ITIH6: variants seen among roughly 807,000 people sequenced by gnomAD.
ITIH6 encodes the protein inter-alpha-trypsin inhibitor heavy chain H6.
In ITIH6, 60 loss-of-function variants were observed where a neutral mutation model predicts 58.2. The ratio of observed to expected loss-of-function variants is 1.03; its 90% confidence interval spans 0.84 to 1.28. ITIH6 has a LOEUF of 1.28. Ranked by LOEUF, ITIH6 falls within the 50% of genes most tolerant of loss-of-function variation. ITIH6 has a pLI of 0.00. For missense variants in ITIH6, 1,290 were observed against 1,021.1 expected, an observed-to-expected ratio of 1.26 and a Z score of -3.59; for synonymous variants, 493 against 417.4, an observed-to-expected ratio of 1.18 and a Z score of -2.21.
chrX:54,787,890 G>C (rs1471724524), intron 5 of ITIH6, among the ~76,000 whole-genome samples: 1 of 111,040 alleles, frequency 9.0e-6, no homozygotes, highest in Non-Finnish European at 1.9e-5. Context: ...GTCCTGTGGT[G>C]GGAGAGGCAG....
intron 6 of ITIH6, among the ~76,000 whole-genome samples, chrX:54,767,542 C>A (rs1239093411): frequency 1.0e-5 from 1 of 98,647 alleles, no homozygotes; most frequent in African/African-American, 4.3e-5. Context: ...CTATAAATTT[C>A]CCTCTACACA....
Position 54,791,024 on chromosome X carries a change from A to T in ITIH6, c.429T>A (p.Thr143=). 8.3e-7 allele frequency: 1 copy of T among 1,211,673 alleles called. No homozygotes were observed. The highest frequency in any genetic ancestry group is 1.1e-6 in the Non-Finnish European group (1 of 895,266). The change falls in exon 4 of 13, where the codon ACT becomes ACA. Residue 143 remains threonine, a synonymous_variant. Transcript: ENST00000218436. ...GCAGTTCCTCATAGGCCAGGGAAAAAGTCACCTCTGTGCCTGCTGCCAGGC... is the reference window on the plus strand; with the variant it reads ...GCAGTTCCTCATAGGCCAGGGAAAATGTCACCTCTGTGCCTGCTGCCAGGC... ...STSLAAGTEV[T]FSLAYEELLQ...
intron 6 of ITIH6, among the ~76,000 whole-genome samples, chrX:54,767,752 T>G (rs368599396): frequency 1.9e-5 from 2 of 102,973 alleles, no homozygotes; most frequent in Admixed American, 1.0e-4. Context: ...TGTGGTCTGA[T>G]AGATAGTTTG....
intron 6 of ITIH6, among the ~76,000 whole-genome samples, chrX:54,763,624 T>A (rs1001167024): frequency 4.4e-5 from 5 of 112,395 alleles, no homozygotes; most frequent in Non-Finnish European, 7.5e-5. Flanking sequence ...ATGTGTAATC[T>A]GCTTGAGCAG....
chrX:54,768,602 G>C lies in ITIH6; in HGVS notation c.903+5479C>G, dbSNP rs777328435. ...GGCAGGCCTGGTGGTGACAAAATCG[G>C]TCAGCATTTGCTTGTCTGTAAAGTA... is the stretch of plus-strand genomic sequence containing the variant. On this transcript the variant is annotated intron_variant, in intron 6 of 12. Coordinates refer to ENST00000218436, the MANE Select transcript of ITIH6 (RefSeq NM_198510.3). Among the ~76,000 whole-genome samples, 18 of 108,767 alleles carry C rather than the reference G, an allele frequency of 1.7e-4. No individual in the cohort carries two copies. The South Asian group carries it at 3.2e-3, about 20-fold the overall frequency. 94.5% of individuals were successfully genotyped at this position (108,767 alleles called of 115,157 possible).
intron 2 of ITIH6, 120 bp from the exon 3 acceptor site, chrX:54,792,156 C>T (rs1214433817): frequency 5.3e-5 from 25 of 468,486 alleles, no homozygotes; most frequent in Non-Finnish European, 7.4e-6. Context: ...AGAGAAAGAA[C>T]AACACAGTGC....
chrX:54,790,782 G>A, intron 4 of ITIH6, 55 bp downstream of exon 4: 1 of 1,195,340 alleles, frequency 8.4e-7, no homozygotes, highest in Non-Finnish European at 1.1e-6. Context: ...AATCGATAAG[G>A]TTTTCATTCA....
chrX:54,759,709 C>T, intron 7 of ITIH6, 47 bp downstream of exon 7: 1 of 1,082,144 alleles, frequency 9.2e-7, no homozygotes, highest in Non-Finnish European at 1.2e-6. Flanking sequence ...AGGAATTTCC[C>T]ATATCACCAC....
At chrX:54,788,013 T>C (rs1032699901) in intron 5 of ITIH6, among the ~76,000 whole-genome samples, 4 of 110,904 alleles carry the variant, frequency 3.6e-5, no homozygotes, top group African/African-American at 1.3e-4. Flanking sequence ...TGCTCTTTCT[T>C]CATGAATGTG....
intron 5 of ITIH6, among the ~76,000 whole-genome samples, chrX:54,780,289 A>G (rs1404695530): frequency 1.8e-5 from 2 of 112,230 alleles, no homozygotes; most frequent in Non-Finnish European, 3.8e-5. Context: ...CAAGACTCAA[A>G]ATTCAAAACA....
At chrX:54,761,182 T>C (rs940902158) in intron 6 of ITIH6, among the ~76,000 whole-genome samples, 1 of 112,447 alleles carries the variant, frequency 8.9e-6, no homozygotes, top group African/African-American at 3.2e-5. Flanking sequence ...ATTTCTCTGA[T>C]GGCCAGTGAT....
intron 2 of ITIH6, among the ~76,000 whole-genome samples, chrX:54,795,202 C>G (rs1929419029): frequency 9.0e-6 from 1 of 111,503 alleles, no homozygotes; most frequent in Non-Finnish European, 1.9e-5. Flanking sequence ...TATTATGGCC[C>G]ACACTTATTT....
At chrX:54,760,023 T>C (rs1161181206) in intron 6 of ITIH6, 96 bp from the exon 7 acceptor site, 7 of 692,306 alleles carry the variant, frequency 1.0e-5, no homozygotes, top group Non-Finnish European at 1.5e-5. Flanking sequence ...ATCTAAGTGT[T>C]ATATGGTTTT....
At chrX:54,782,810 G>T (rs2147617196) in intron 5 of ITIH6, among the ~76,000 whole-genome samples, 1 of 112,198 alleles carries the variant, frequency 8.9e-6, no homozygotes, top group Non-Finnish European at 1.9e-5. Flanking sequence ...ACAAAAAATA[G>T]AGGATGATGG....
At chrX:54,765,921 C>T (rs1274697432) in intron 6 of ITIH6, among the ~76,000 whole-genome samples, 2 of 111,302 alleles carry the variant, frequency 1.8e-5, no homozygotes, top group South Asian at 7.6e-4. Flanking sequence ...TATTCCAATT[C>T]TGTGAAGAAA....
chrX:54,766,650 G>C (rs1450201616), intron 6 of ITIH6, among the ~76,000 whole-genome samples: 2 of 82,100 alleles, frequency 2.4e-5, no homozygotes, highest in African/African-American at 1.1e-4. Context: ...AGATAATCAT[G>C]TGGTTTTTGT....
intron 5 of ITIH6, among the ~76,000 whole-genome samples, chrX:54,775,587 T>C (rs992602703): frequency 8.9e-6 from 1 of 111,882 alleles, no homozygotes; most frequent in African/African-American, 3.3e-5. Context: ...CCATTTAACA[T>C]GTACCCCACT....
At chrX:54,785,167 G>GAGAT (rs1459559082) in intron 5 of ITIH6, among the ~76,000 whole-genome samples, 1 of 103,298 alleles carries the variant, frequency 9.7e-6, no homozygotes, top group Non-Finnish European at 2.0e-5. Flanking sequence ...TGAACTCATG[G>GAGAT]AGATAGAGAG....
In ITIH6 at chrX:54,798,153, G is replaced by A; in HGVS notation, c.58C>T (p.Leu20=). The part of the protein sequence containing the change: ...VSFLLTILLE[L]TYQGPPVPAS... Reference sequence around the variant, plus strand: ...GGGACAGGGGGTCCCTGGTATGTCAGTTCAAGAAGAATGGTCAGCAAAAAG... The same window carrying A: ...GGGACAGGGGGTCCCTGGTATGTCAATTCAAGAAGAATGGTCAGCAAAAAG... Residue 20 remains leucine (L), a synonymous_variant, in exon 1 of 13, where the codon CTG becomes TTG. Transcript: ENST00000218436. The A allele has an allele frequency of 8.4e-7, 1 of 1,193,069 alleles. No individual in the cohort carries two copies. The highest frequency in any genetic ancestry group is 1.1e-6 in the Non-Finnish European group (1 of 886,323).
Sources: gnomAD v4.1 joint callset for allele counts (sites outside exome capture counted in the v4.1 genomes callset) on GRCh38, gnomAD v4.1.1 for gene constraint, MANE v1.5 for transcripts, NCBI Gene and HGNC (gene_info 2026-07-23, HGNC 2026-07-21) for gene names.